Variants in TRIM24 observed in about 807,000 individuals in gnomAD.
TRIM24 encodes transcription intermediary factor 1-alpha.
In TRIM24, 29 loss-of-function variants were observed where a neutral mutation model predicts 123.9. That is an observed-to-expected ratio of 0.23 (90% confidence interval 0.17 to 0.32). The LOEUF (loss-of-function observed/expected upper bound fraction) is 0.32. Among genes scored for constraint, TRIM24 ranks in the 10% least tolerant of loss-of-function variants. The pLI is 1.00. For missense variants in TRIM24, 932 were observed against 1,295.3 expected (o/e 0.72, Z 4.31); for synonymous variants, 456 against 461.1 (o/e 0.99, Z 0.14).
intron 9 of TRIM24, among the ~76,000 whole-genome samples, chr7:138,557,638 C>T (rs752542598): frequency 6.6e-6 from 1 of 152,154 alleles, no homozygotes; most frequent in Non-Finnish European, 1.5e-5. Flanking sequence ...TGGATTTTTG[C>T]AGTTATATCT....
chr7:138,582,071 G>A (rs192618813), intron 17 of TRIM24, among the ~76,000 whole-genome samples: 11 of 152,020 alleles, frequency 7.2e-5, no homozygotes, highest in South Asian at 2.1e-4. Flanking sequence ...GCATGTTTCC[G>A]AAGCTGTTGG....
chr7:138,490,777 CTA>C (rs755509574), intron 1 of TRIM24: 6 of 497,964 alleles, frequency 1.2e-5, no homozygotes, highest in African/African-American at 1.2e-4. Context: ...CAAGCCTTTT[CTA>C]TGTCTTTTCC....
chr7:138,542,242 TTCCTCAGTAAGCTTAC>T (rs1428490378), intron 7 of TRIM24, among the ~76,000 whole-genome samples: 13 of 152,234 alleles, frequency 8.5e-5, no homozygotes, highest in Admixed American at 2.0e-4. Context: ...TGGACCTGCC[TTCCTCAGTAAGCTTAC>T]TCATTTCTAA....
rs57719141 is a variant in TRIM24, at chr7:138,463,043, G to GTTTTTTTTTTTTT, written c.364+2145_364+2157dup. 6.2e-4 allele frequency among the ~76,000 whole-genome samples: 37 copies of GTTTTTTTTTTTTT among 60,136 alleles called. 4 individuals carry two copies. Among genetic ancestry groups the GTTTTTTTTTTTTT allele is most frequent in the Middle Eastern group, 0.015 (1 of 66 alleles). The allele number at this position is 60,136 out of a possible 152,430, so 39.5% of individuals were successfully genotyped here. On this transcript the variant is annotated intron_variant, in intron 1 of 18. Transcript: ENST00000343526. ...CGCCACCACGTCCGGCTAATTTTGT[G>GTTTTTTTTTTTTT]TTTTTTTTTTTTTTTTTTTTTTTTT...
intron 1 of TRIM24, among the ~76,000 whole-genome samples, chr7:138,470,077 T>C (rs906235445): frequency 2.0e-5 from 3 of 152,060 alleles, no homozygotes; most frequent in African/African-American, 4.8e-5. Context: ...TCATGGGATT[T>C]CGATACTGCA....
intron 6 of TRIM24, among the ~76,000 whole-genome samples, chr7:138,537,297 C>T (rs12533042): frequency 6.7e-6 from 1 of 149,794 alleles, no homozygotes; most frequent in African/African-American, 2.5e-5. Context: ...CACCCATCTT[C>T]TGCGTCACTC....
chr7:138,460,763 C>T lies in TRIM24; in HGVS notation c.215C>T (p.Pro72Leu). Reference sequence around the variant, plus strand: ...CAGAGCCGGGCGCCCAAGCTGCTGCCCTGCCTGCACTCTTTCTGCCAGCGC... The same window carrying T: ...CAGAGCCGGGCGCCCAAGCTGCTGCTCTGCCTGCACTCTTTCTGCCAGCGC... Reference protein sequence around the residue: ...NIQSRAPKLLPCLHSFCQRCL... With the variant: ...NIQSRAPKLLLCLHSFCQRCL... The change falls in exon 1 of 19, where the codon CCC (proline) becomes CTC (leucine). Residue 72 changes from proline to leucine, a missense_variant. Physicochemically the swap from Pro to Leu is moderately conservative, Grantham distance 98 (BLOSUM62 -3). Transcript: ENST00000343526. The T allele has an allele frequency of 6.3e-7, 1 of 1,581,164 alleles. No homozygotes were observed. The highest frequency in any genetic ancestry group is 8.6e-7 in the Non-Finnish European group (1 of 1,166,598).
At chr7:138,466,151 C>T (rs1049615202) in intron 1 of TRIM24, among the ~76,000 whole-genome samples, 1 of 152,148 alleles carries the variant, frequency 6.6e-6, no homozygotes. Flanking sequence ...TTACACTACA[C>T]CTGGCTAATT....
intron 2 of TRIM24, among the ~76,000 whole-genome samples, chr7:138,513,908 A>T (rs1796340516): frequency 6.6e-6 from 1 of 152,198 alleles, no homozygotes; most frequent in Admixed American, 6.5e-5. Flanking sequence ...ATCCTTTTAG[A>T]GATGCTGTGT....
At chr7:138,581,061 T>TC (rs1797884710) in intron 16 of TRIM24, among the ~76,000 whole-genome samples, 5 of 152,200 alleles carry the variant, frequency 3.3e-5, no homozygotes, top group Admixed American at 3.3e-4. Flanking sequence ...TGGAAATAAT[T>TC]CCTTTTTTTT....
At position 138,460,970 on chromosome 7, in the gene TRIM24, G is replaced by A. The variant is rs1233996367; in HGVS notation, c.364+58G>A. On this transcript the variant is annotated intron_variant, in intron 1 of 18. Coordinates refer to ENST00000343526, the MANE Select transcript of TRIM24 (RefSeq NM_015905.3). ...GGGAGAGGGCCAGGAGGGGGCGGGC[G>A]CCCTTGTGCGGCGCGACCCGCTGTC... 3 of 1,337,858 alleles carry A rather than the reference G, an allele frequency of 2.2e-6. No homozygotes were observed. In the African/African-American group the frequency reaches 4.7e-5, roughly 21 times the overall value. The allele number at this position is 1,337,858 out of a possible 1,614,324, so 82.9% of individuals were successfully genotyped here. A position where few individuals can be genotyped will look rare whatever the true frequency, so the allele number is the denominator to read the frequency against.
In TRIM24 at chr7:138,585,044, T is replaced by TCACAAACTCTTC; in HGVS notation, c.*93_*94insCACAAACTCTTC. Reference sequence around the variant, plus strand: ...TTTAACATCACTACAAAAAGAAGAGTTTGTGACTATTCTCATCTCTGTTTT... The same window carrying TCACAAACTCTTC: ...TTTAACATCACTACAAAAAGAAGAGTCACAAACTCTTCTTGTGACTATTCTCATCTCTGTTTT... On this transcript the variant is annotated 3_prime_UTR_variant, in exon 19 of 19. Coordinates refer to ENST00000343526, the MANE Select transcript of TRIM24 (RefSeq NM_015905.3). 2.7e-6 allele frequency: 3 copies of TCACAAACTCTTC among 1,106,704 alleles called. No homozygotes were observed. The highest frequency in any genetic ancestry group is 3.8e-6 in the Non-Finnish European group (3 of 780,886). 68.6% of individuals were successfully genotyped at this position (1,106,704 alleles called of 1,614,324 possible).
chr7:138,479,498 G>A (rs1438612174), intron 1 of TRIM24, among the ~76,000 whole-genome samples: 2 of 151,932 alleles, frequency 1.3e-5, no homozygotes, highest in African/African-American at 4.8e-5. Flanking sequence ...GTAGACTCCT[G>A]AGTAGCTGGG....
Position 138,587,404 on chromosome 7 carries a change from G to C in TRIM24, c.*2453G>C, listed in dbSNP as rs752926859. ...CTCTGTAAATAGCCTTTGTGTAATG[G>C]TCTTTAGATTAATATCCTTTGACTT... On this transcript the variant is annotated 3_prime_UTR_variant, in exon 19 of 19. Transcript: ENST00000343526. The C allele has an allele frequency of 6.6e-6, 1 of 152,144 alleles. No individual in the cohort carries two copies. The highest frequency in any genetic ancestry group is 1.9e-4 in the East Asian group (1 of 5,190). The allele number at this position is 152,144 out of a possible 1,614,324, so 9.4% of individuals were successfully genotyped here. A position where few individuals can be genotyped will look rare whatever the true frequency, so the allele number is the denominator to read the frequency against.
At chr7:138,572,928 C>G (rs1797686656) in intron 11 of TRIM24, among the ~76,000 whole-genome samples, 1 of 152,178 alleles carries the variant, frequency 6.6e-6, no homozygotes, top group Non-Finnish European at 1.5e-5. Flanking sequence ...CACCTTTTCT[C>G]CTACAAAACA....
At chr7:138,506,911 G>A (rs3807156) in intron 2 of TRIM24, among the ~76,000 whole-genome samples, 121,801 of 152,092 alleles carry the variant, frequency 0.8, 49,056 homozygotes, top group African/African-American at 0.83. Flanking sequence ...CTGAATTAGC[G>A]TGGTAGCAAT....
At chr7:138,509,818 G>A (rs1796248999) in intron 2 of TRIM24, among the ~76,000 whole-genome samples, 2 of 151,788 alleles carry the variant, frequency 1.3e-5, no homozygotes, top group African/African-American at 4.8e-5. Flanking sequence ...TAGCAACTTT[G>A]AGAAGCAGCT....
chr7:138,525,112 G>C, intron 4 of TRIM24, 129 bp from the exon 5 acceptor site: 1 of 441,314 alleles, frequency 2.3e-6, no homozygotes, highest in Non-Finnish European at 4.0e-6. Context: ...TTAGGGATAC[G>C]TTTGATGTTT....
chr7:138,538,907 A>G, intron 7 of TRIM24, 104 bp downstream of exon 7: 1 of 1,039,820 alleles, frequency 9.6e-7, no homozygotes, highest in Non-Finnish European at 1.3e-6. Flanking sequence ...AGTGCTTTTT[A>G]CCTATTTCTA....
Sources: gnomAD v4.1 joint callset for allele counts (sites outside exome capture counted in the v4.1 genomes callset) on GRCh38, gnomAD v4.1.1 for gene constraint, MANE v1.5 for transcripts, NCBI Gene and HGNC (gene_info 2026-07-23, HGNC 2026-07-21) for gene names.